Variants in NPIPB13 observed in about 807,000 individuals in gnomAD.
NPIPB13 encodes the protein nuclear pore complex interacting protein family, member B13.
At chr16:30,230,871 C>A (rs1596937058) in intron 5 of NPIPB13, among the ~76,000 whole-genome samples, 6 of 71,120 alleles carry the variant, frequency 8.4e-5, no homozygotes, top group Non-Finnish European at 1.1e-4. Flanking sequence ...GACTCTATCT[C>A]AAAATTAAAA....
At chr16:30,230,927 T>TA (rs1313475430) in intron 5 of NPIPB13, among the ~76,000 whole-genome samples, 17 of 112,324 alleles carry the variant, frequency 1.5e-4, no homozygotes, top group Non-Finnish European at 3.0e-4. Context: ...CTCACGCCTC[T>TA]AATCCCAGCA....
At chr16:30,231,243 G>GA (rs1447522387) in intron 5 of NPIPB13, among the ~76,000 whole-genome samples, 197 bp downstream of exon 5, 1 of 5,182 alleles carries the variant, frequency 1.9e-4, no homozygotes, top group Non-Finnish European at 5.0e-4. Context: ...CTCTTCCTCC[G>GA]AAAAAATGAA....
At chr16:30,230,898 AAAAG>A in intron 5 of NPIPB13, among the ~76,000 whole-genome samples, 1 of 112,594 alleles carries the variant, frequency 8.9e-6, no homozygotes, top group Admixed American at 9.6e-5. Flanking sequence ...AAAAAAAAAA[AAAAG>A]GCTGGCTGTG....
intron 3 of NPIPB13, among the ~76,000 whole-genome samples, chr16:30,232,426 T>C: frequency 7.0e-6 from 1 of 142,156 alleles, no homozygotes; most frequent in Admixed American, 7.1e-5. Flanking sequence ...ATTGTGCCAT[T>C]GCACTCCAAC....
intron 3 of NPIPB13, among the ~76,000 whole-genome samples, chr16:30,232,578 C>T (rs1596938225): frequency 1.3e-5 from 1 of 75,472 alleles, no homozygotes; most frequent in East Asian, 3.8e-4. Flanking sequence ...CCATCCTGGG[C>T]AACATGGTGA....
chr16:30,225,360 C>CTGAGGGTGGA lies in NPIPB13; in HGVS notation c.1085_1086insTCCACCCTCA (p.Asp363ProfsTer5). On this transcript the variant is annotated frameshift_variant, in exon 8 of 8. Coordinates refer to ENST00000520915, the Ensembl canonical transcript of NPIPB13. LOFTEE classifies it low-confidence loss of function (END_TRUNC). ...CGGCACGTGTCTTGAGATTATCATC[C>CTGAGGGTGGA]GCTGAGGGTGGAGCTGAGGGTGGAG... 1.0e-5 allele frequency: 1 copy of CTGAGGGTGGA among 98,032 alleles called. No homozygotes were observed. Among genetic ancestry groups the CTGAGGGTGGA allele is most frequent in the Admixed American group, 3.0e-4 (1 of 3,282 alleles). The allele number at this position is 98,032 out of a possible 1,614,324, so 6.1% of individuals were successfully genotyped here.
At chr16:30,228,871 A>G (rs1169302124) in intron 5 of NPIPB13, among the ~76,000 whole-genome samples, 1 of 152,224 alleles carries the variant, frequency 6.6e-6, no homozygotes, top group African/African-American at 2.4e-5. Flanking sequence ...AATTCATCAC[A>G]ACTAACTCCA....
chr16:30,232,368 G>T (rs1478320154), intron 3 of NPIPB13, among the ~76,000 whole-genome samples: 5 of 120,844 alleles, frequency 4.1e-5, no homozygotes, highest in Non-Finnish European at 9.5e-5. Flanking sequence ...GGAGGCTGAG[G>T]CAGGAGAATC....
intron 2 of NPIPB13, among the ~76,000 whole-genome samples, chr16:30,244,553 CAAAAAT>C (rs2073602867): frequency 1.1e-5 from 1 of 91,086 alleles, no homozygotes; most frequent in African/African-American, 4.4e-5. Context: ...ATATAAATCT[CAAAAAT>C]AAAAGATCAT....
intron 2 of NPIPB13, among the ~76,000 whole-genome samples, chr16:30,241,821 ACT>A (rs1256620696): frequency 1.1e-5 from 1 of 92,570 alleles, no homozygotes; most frequent in African/African-American, 3.8e-5. Flanking sequence ...ATGGAATGAG[ACT>A]CTGTCTCAAA....
chr16:30,244,130 CTA>C (rs1313998582), intron 2 of NPIPB13, among the ~76,000 whole-genome samples: 2 of 131,082 alleles, frequency 1.5e-5, no homozygotes, highest in Non-Finnish European at 3.4e-5. Flanking sequence ...CAGGGTAAAA[CTA>C]TGCATATTCT....
chr16:30,232,438 T>C (rs1596937899), intron 3 of NPIPB13, among the ~76,000 whole-genome samples: 2 of 136,232 alleles, frequency 1.5e-5, no homozygotes, highest in Non-Finnish European at 3.2e-5. Context: ...CACTCCAACC[T>C]GGGCAACAAA....
intron 2 of NPIPB13, among the ~76,000 whole-genome samples, chr16:30,244,398 CG>C (rs1278992649): frequency 8.6e-5 from 9 of 104,500 alleles, no homozygotes; most frequent in African/African-American, 3.6e-5. Flanking sequence ...TGCTTGAACC[CG>C]GGAGACGGAG....
intron 3 of NPIPB13, among the ~76,000 whole-genome samples, chr16:30,232,428 C>G (rs1333560519): frequency 2.8e-5 from 4 of 142,816 alleles, no homozygotes; most frequent in Admixed American, 7.0e-5. Context: ...TGTGCCATTG[C>G]ACTCCAACCT....
chr16:30,230,877 TAAAAAAAA>T (rs1200193892), intron 5 of NPIPB13, among the ~76,000 whole-genome samples: 1 of 55,046 alleles, frequency 1.8e-5, no homozygotes, highest in Non-Finnish European at 3.6e-5. Context: ...ATCTCAAAAT[TAAAAAAAA>T]AAAAAAAAAA....
At chr16:30,230,973 CAGA>C (rs1480747060) in intron 5 of NPIPB13, among the ~76,000 whole-genome samples, 2 of 108,860 alleles carry the variant, frequency 1.8e-5, no homozygotes, top group Non-Finnish European at 3.8e-5. Context: ...TACCTGAGGT[CAGA>C]AGTTCGAGAC....
chr16:30,226,534 GAT>G, intron 7 of NPIPB13: 1 of 307,722 alleles, frequency 3.2e-6, no homozygotes, highest in Non-Finnish European at 4.9e-6. Flanking sequence ...GCTCTGGAGA[GAT>G]GTGGATTCCT....
chr16:30,232,465 CAAAA>C (rs141086998), intron 3 of NPIPB13, among the ~76,000 whole-genome samples: 6 of 115,312 alleles, frequency 5.2e-5, no homozygotes, highest in Non-Finnish European at 7.8e-5. Context: ...ACTCTTGTCT[CAAAA>C]AAAAAAAAAA....
At chr16:30,232,536 G>C (rs1254385247) in intron 3 of NPIPB13, among the ~76,000 whole-genome samples, 21 of 114,064 alleles carry the variant, frequency 1.8e-4, no homozygotes, top group East Asian at 2.4e-4. Flanking sequence ...GGGAGGCCGA[G>C]GCAGGTGAAT....
Sources: allele counts gnomAD v4.1 joint callset (sites outside exome capture counted in the v4.1 genomes callset), GRCh38; gene constraint gnomAD v4.1.1; transcripts MANE v1.5; gene names NCBI Gene and HGNC (gene_info 2026-07-23, HGNC 2026-07-21).